Variants in ZNF557 observed in about 807,000 individuals in gnomAD.
The protein encoded by ZNF557 is CTB-25J19.9.
A neutral mutation model predicts 21.2 loss-of-function variants in ZNF557; 19 were observed. The observed-to-expected ratio is 0.90, with a 90% CI of 0.63 to 1.32. ZNF557 has a LOEUF of 1.32. Ranked by LOEUF, ZNF557 falls within the 40% of genes most tolerant of loss-of-function variation. The pLI is 0.00. For missense variants in ZNF557, 487 were observed against 519.8 expected (o/e 0.94, Z 0.61); for synonymous variants, 207 against 194.8 (o/e 1.06, Z -0.52).
Position 7,082,874 on chromosome 19 carries a change from A to G in ZNF557, c.427-4A>G, listed in dbSNP as rs1464631178. 4 of 1,560,106 alleles carry G rather than the reference A, an allele frequency of 2.6e-6. No individual in the cohort carries two copies. Among genetic ancestry groups the G allele is most frequent in the Middle Eastern group, 1.7e-4 (1 of 5,798 alleles). Reference sequence around the variant, plus strand: ...GGTACTTATTGTCATCTCTTAATCAATAGGAGAGGAATCATCTTGGAGCAA... The same window carrying G: ...GGTACTTATTGTCATCTCTTAATCAGTAGGAGAGGAATCATCTTGGAGCAA... On this transcript the variant is annotated splice_region_variant and splice_polypyrimidine_tract_variant and intron_variant, in intron 7 of 7. Coordinates refer to ENST00000252840, the MANE Select transcript of ZNF557 (RefSeq NM_024341.3).
intron 2 of ZNF557, among the ~76,000 whole-genome samples, chr19:7,073,144 TTTG>T (rs1310011169): frequency 1.3e-4 from 11 of 87,724 alleles, no homozygotes; most frequent in South Asian, 1.2e-3. Flanking sequence ...TATTTGTTTT[TTTG>T]GTTTTTTTTG....
intron 2 of ZNF557, among the ~76,000 whole-genome samples, chr19:7,074,785 C>T (rs1237564315): frequency 2.3e-5 from 1 of 43,562 alleles, no homozygotes; most frequent in Non-Finnish European, 4.1e-5. Flanking sequence ...AGGCAGGGCA[C>T]GGACTGGAGG....
intron 7 of ZNF557, 102 bp downstream of exon 7, chr19:7,082,154 G>T: frequency 1.1e-6 from 1 of 881,928 alleles, no homozygotes. Flanking sequence ...AGTGGCTCAT[G>T]CCTTTAATCC....
At chr19:7,076,153 C>A (rs989543211) in intron 4 of ZNF557, among the ~76,000 whole-genome samples, 1 of 152,156 alleles carries the variant, frequency 6.6e-6, no homozygotes, top group Non-Finnish European at 1.5e-5. Flanking sequence ...AAGACAGCTG[C>A]TCTGCGGTAC....
Position 7,075,648 on chromosome 19 carries a change from C to T in ZNF557, c.32-7C>T, listed in dbSNP as rs889795800. 1.9e-6 allele frequency: 3 copies of T among 1,613,068 alleles called. No individual in the cohort carries two copies. The highest frequency in any genetic ancestry group is 2.2e-5 in the East Asian group (1 of 44,868). The stretch of plus-strand genomic sequence containing the variant: ...TGGATTCCTGGTACTCATTTCTCCT[C>T]CTCCAGCTCTGTCTTCCCTGTTCCC... On this transcript the variant is annotated splice_region_variant and splice_polypyrimidine_tract_variant and intron_variant, in intron 3 of 7. Coordinates refer to ENST00000252840, the MANE Select transcript of ZNF557 (RefSeq NM_024341.3).
At chr19:7,075,622 G>T (rs915096749) in intron 3 of ZNF557, 33 bp from the exon 4 acceptor site, 4 of 1,607,944 alleles carry the variant, frequency 2.5e-6, no homozygotes, top group East Asian at 2.2e-5. Flanking sequence ...CAGGGCAGGT[G>T]TGGATTCCTG....
chr19:7,071,057 G>A (rs1183366385), intron 2 of ZNF557, among the ~76,000 whole-genome samples: 1 of 152,032 alleles, frequency 6.6e-6, no homozygotes, highest in East Asian at 1.9e-4. Context: ...TGAGCCACGA[G>A]TGAGGGTATC....
In ZNF557 at chr19:7,085,228, A is replaced by T. The variant is rs182680623; in HGVS notation, c.*1484A>T. The T allele has an allele frequency of 6.6e-6, 1 of 152,332 alleles. No homozygotes were observed. Among genetic ancestry groups the T allele is most frequent in the African/African-American group, 2.4e-5 (1 of 41,568 alleles). The allele number at this position is 152,332 out of a possible 1,614,324, so 9.4% of individuals were successfully genotyped here. On this transcript the variant is annotated 3_prime_UTR_variant, in exon 8 of 8. Transcript: ENST00000252840. The stretch of plus-strand genomic sequence containing the variant: ...TTCATCTGTGCCCAGGCTGTAGTGC[A>T]GTGGTGCAATCTTGGCTTATTGTAA...
At chr19:7,080,733 G>A (rs1977682675) in intron 5 of ZNF557, among the ~76,000 whole-genome samples, 1 of 152,182 alleles carries the variant, frequency 6.6e-6, no homozygotes, top group Non-Finnish European at 1.5e-5. Flanking sequence ...CCCAGATTCA[G>A]CTGTTTGTCT....
At chr19:7,079,444 G>A (rs537280305) in intron 5 of ZNF557, among the ~76,000 whole-genome samples, 29 of 143,794 alleles carry the variant, frequency 2.0e-4, no homozygotes, top group Admixed American at 7.7e-4. Context: ...GGTTCACCGT[G>A]TTAGCCAGGA....
chr19:7,081,407 G>T lies in ZNF557; in HGVS notation c.295G>T (p.Asp99Tyr), dbSNP rs752077105. The change falls in exon 6 of 8, where the codon GAT becomes TAT. Residue 99 changes from aspartate (D) to tyrosine (Y), a missense_variant. Transcript: ENST00000252840. Reference protein sequence around the residue: ...PRLISQLEQEDKVMTEERGIL... With the variant: ...PRLISQLEQEYKVMTEERGIL... ...GCTGATCTCCCAGCTGGAGCAAGAA[G>T]ATAAAGTGATGACAGAAGAGAGAGG... is the stretch of plus-strand genomic sequence containing the variant. The T allele has an allele frequency of 6.2e-7, 1 of 1,613,968 alleles. No individual in the cohort carries two copies. Among genetic ancestry groups the T allele is most frequent in the South Asian group, 1.1e-5 (1 of 91,028 alleles).
rs749287097 is a variant in ZNF557, at chr19:7,083,617, C to T, written c.1166C>T (p.Ser389Leu). 14 of 1,614,026 alleles carry T rather than the reference C, an allele frequency of 8.7e-6. No homozygotes were observed. The East Asian group carries it at 1.6e-4, about 18-fold the overall frequency. Residue 389 changes from serine (S) to leucine (L), a missense_variant, in exon 8 of 8, where the codon TCA (serine) becomes TTA (leucine). Ser to Leu is a moderately radical substitution (Grantham distance 145, BLOSUM62 -2). Coordinates refer to ENST00000252840, the MANE Select transcript of ZNF557 (RefSeq NM_024341.3). ...SDCGKSFNVL[S>L]SVKKHMRTHT... ...TGTGGAAAATCCTTTAATGTTCTCT[C>T]ATCCGTTAAGAAACACATGAGAACT...
rs1327241270 is a variant in ZNF557 at position 7,085,092 on chromosome 19, C to T, written c.*1348C>T. 6.6e-6 allele frequency: 1 copy of T among 152,180 alleles called. No individual in the cohort carries two copies. Among genetic ancestry groups the T allele is most frequent in the Non-Finnish European group, 1.5e-5 (1 of 68,038 alleles). 9.4% of individuals were successfully genotyped at this position (152,180 alleles called of 1,614,324 possible). The stretch of plus-strand genomic sequence containing the variant: ...CCATTTTTAAGAAGTGAGATTCATA[C>T]TAGAAAAACCATTGAATTCCATCAG... On this transcript the variant is annotated 3_prime_UTR_variant, in exon 8 of 8. Transcript: ENST00000252840.
At chr19:7,075,492 G>T (rs982182444) in intron 3 of ZNF557, among the ~76,000 whole-genome samples, 163 bp from the exon 4 acceptor site, 5 of 152,158 alleles carry the variant, frequency 3.3e-5, no homozygotes, top group African/African-American at 1.2e-4. Flanking sequence ...GGTTTCCTTG[G>T]ATTGCTGTGG....
Position 7,087,537 on chromosome 19 carries a change from CAAAAAAA to C in ZNF557, c.*3802_*3808del. On this transcript the variant is annotated 3_prime_UTR_variant, in exon 8 of 8. Coordinates refer to ENST00000252840, the MANE Select transcript of ZNF557 (RefSeq NM_024341.3). ...GGGCAACAAGAGCAAAACTCCATCT[CAAAAAAA>C]AAAAAAAAGAAAGAAACAGTGCCGA... is the stretch of plus-strand genomic sequence containing the variant. 1 of 137,332 alleles carries C rather than the reference CAAAAAAA, an allele frequency of 7.3e-6. No individual in the cohort carries two copies. Among genetic ancestry groups the C allele is most frequent in the South Asian group, 2.3e-4 (1 of 4,284 alleles). 8.5% of individuals were successfully genotyped at this position (137,332 alleles called of 1,614,324 possible).
In ZNF557 at chr19:7,086,802, G is replaced by C. The variant is rs2145182555; in HGVS notation, c.*3058G>C. 1 of 152,002 alleles carries C rather than the reference G, an allele frequency of 6.6e-6. No homozygotes were observed. The highest frequency in any genetic ancestry group is 2.4e-5 in the African/African-American group (1 of 41,470). 9.4% of individuals were successfully genotyped at this position (152,002 alleles called of 1,614,324 possible). A position where few individuals can be genotyped will look rare whatever the true frequency, so the allele number is the denominator to read the frequency against. On this transcript the variant is annotated 3_prime_UTR_variant, in exon 8 of 8. Coordinates refer to ENST00000252840, the MANE Select transcript of ZNF557 (RefSeq NM_024341.3). ...GCACTTTGGGAGGCCGAGGCAGGCG[G>C]ACCACCTGAGGTCAGGAGTTCAAGA...
rs117490214 is a variant in ZNF557 at position 7,076,664 on chromosome 19, C to T, written c.247+157C>T. 5.0e-3 allele frequency among the ~76,000 whole-genome samples: 754 copies of T among 152,184 alleles called. 5 individuals are homozygous for T. The highest frequency in any genetic ancestry group is 8.6e-3 in the Non-Finnish European group (584 of 68,026). On this transcript the variant is annotated intron_variant, in intron 5 of 7. Transcript: ENST00000252840. The stretch of plus-strand genomic sequence containing the variant: ...CTTTTCGTAGGTTCACAGTGTAGTA[C>T]AGCCATCACCACTAATTCCAGAACA...
intron 4 of ZNF557, 129 bp downstream of exon 4, chr19:7,075,872 G>A (rs1041075824): frequency 4.1e-6 from 6 of 1,481,088 alleles, no homozygotes; most frequent in Non-Finnish European, 5.4e-6. Context: ...CTGAGTGAGG[G>A]CTGCCCAGAA....
chr19:7,084,016 AC>A lies in ZNF557; in HGVS notation c.*274del. 2.7e-6 allele frequency: 1 copy of A among 374,514 alleles called. No homozygotes were observed. Among genetic ancestry groups the A allele is most frequent in the Non-Finnish European group, 4.9e-6 (1 of 205,822 alleles). The allele number at this position is 374,514 out of a possible 1,614,324, so 23.2% of individuals were successfully genotyped here. On this transcript the variant is annotated 3_prime_UTR_variant, in exon 8 of 8. Transcript: ENST00000252840. ...ATCCAGAATTGTTACTGGTGAAGGG[AC>A]CACTTCCAAATGGCTTACAAGCCCG...
Sources: allele counts gnomAD v4.1 joint callset (sites outside exome capture counted in the v4.1 genomes callset), GRCh38; gene constraint gnomAD v4.1.1; transcripts MANE v1.5; gene names NCBI Gene and HGNC (gene_info 2026-07-23, HGNC 2026-07-21).